Variants in HCN1 observed in about 807,000 individuals in gnomAD.
The protein encoded by HCN1 is hyperpolarization activated cyclic nucleotide gated potassium channel 1.
HCN1 carries 13 observed loss-of-function variants against 78.9 expected under a neutral mutation model. That is an observed-to-expected ratio of 0.16 (90% CI 0.11 to 0.26). The LOEUF (loss-of-function observed/expected upper bound fraction) is 0.26, where lower values mean the gene tolerates loss of function less well. Among genes scored for constraint, HCN1 ranks in the 10% least tolerant of loss-of-function variants. The pLI, the probability that HCN1 is intolerant of heterozygous loss-of-function variation, is 1.00. For missense variants in HCN1, 810 were observed against 1,154.3 expected, an observed-to-expected ratio of 0.70 and a Z score of 4.32; for synonymous variants, 552 against 455.5, an observed-to-expected ratio of 1.21 and a Z score of -2.70.
chr5:45,621,497 A>G (rs898721844), intron 2 of HCN1, among the ~76,000 whole-genome samples: 2 of 152,182 alleles, frequency 1.3e-5, no homozygotes, highest in African/African-American at 2.4e-5. Context: ...GTAGTACTCT[A>G]TCAGGAAAAG....
chr5:45,620,680 G>A (rs1745043221), intron 2 of HCN1, among the ~76,000 whole-genome samples: 1 of 151,870 alleles, frequency 6.6e-6, no homozygotes, highest in African/African-American at 2.4e-5. Flanking sequence ...GCAAATCTCA[G>A]CAAAATTCCA....
chr5:45,561,699 G>A (rs10473389), intron 2 of HCN1, among the ~76,000 whole-genome samples: 40,508 of 151,864 alleles, frequency 0.27, 5,508 homozygotes, highest in East Asian at 0.32. Flanking sequence ...ATGGGGGCTG[G>A]TCACTGAAAT....
intron 1 of HCN1, among the ~76,000 whole-genome samples, chr5:45,686,351 T>A (rs1739809325): frequency 6.6e-6 from 1 of 152,142 alleles, no homozygotes; most frequent in Non-Finnish European, 1.5e-5. Flanking sequence ...AATTGTTTCT[T>A]TTAGTGTTTA....
chr5:45,527,786 G>A (rs1742769487), intron 2 of HCN1, among the ~76,000 whole-genome samples: 1 of 151,864 alleles, frequency 6.6e-6, no homozygotes. Flanking sequence ...GACAGAACAT[G>A]TTGTATTAAT....
intron 1 of HCN1, chr5:45,695,213 G>A: frequency 5.5e-6 from 1 of 182,270 alleles, no homozygotes; most frequent in Non-Finnish European, 1.1e-5. Context: ...CTTGTGAATC[G>A]CTGTCTCCGG....
intron 2 of HCN1, among the ~76,000 whole-genome samples, chr5:45,560,607 C>A (rs899883805): frequency 6.6e-6 from 1 of 151,668 alleles, no homozygotes; most frequent in African/African-American, 2.4e-5. Flanking sequence ...ATTGTATTAA[C>A]AAAATTAAAA....
chr5:45,686,745 T>G (rs1739817258), intron 1 of HCN1, among the ~76,000 whole-genome samples: 2 of 152,228 alleles, frequency 1.3e-5, no homozygotes, highest in African/African-American at 2.4e-5. Flanking sequence ...TAACATTATT[T>G]ATCAAATGCT....
intron 1 of HCN1, among the ~76,000 whole-genome samples, chr5:45,666,134 C>G (rs1404458622): frequency 1.3e-5 from 2 of 152,064 alleles, no homozygotes; most frequent in Admixed American, 6.6e-5. Context: ...GCCTATGAAT[C>G]TTAGAATGTG....
At chr5:45,655,877 T>C (rs966213079) in intron 1 of HCN1, among the ~76,000 whole-genome samples, 2 of 152,128 alleles carry the variant, frequency 1.3e-5, no homozygotes, top group African/African-American at 4.8e-5. Flanking sequence ...TCAGATGCTC[T>C]AAATGCAAAA....
At chr5:45,504,434 CT>C (rs900648281) in intron 2 of HCN1, among the ~76,000 whole-genome samples, 33 of 151,906 alleles carry the variant, frequency 2.2e-4, no homozygotes, top group African/African-American at 6.8e-4. Flanking sequence ...TGAACTCATC[CT>C]TTTTTTTGGC....
At chr5:45,423,757 T>A (rs894451994) in intron 3 of HCN1, among the ~76,000 whole-genome samples, 3 of 152,204 alleles carry the variant, frequency 2.0e-5, no homozygotes, top group African/African-American at 7.2e-5. Context: ...CTACCTAGAA[T>A]GGGATAGAGG....
intron 6 of HCN1, among the ~76,000 whole-genome samples, chr5:45,290,158 G>C (rs934200998): frequency 6.6e-6 from 1 of 152,008 alleles, no homozygotes; most frequent in African/African-American, 2.4e-5. Flanking sequence ...CTGCCACCAT[G>C]TAAGACATTC....
At chr5:45,442,285 G>C (rs1740693290) in intron 3 of HCN1, among the ~76,000 whole-genome samples, 1 of 152,038 alleles carries the variant, frequency 6.6e-6, no homozygotes, top group Non-Finnish European at 1.5e-5. Flanking sequence ...GAGGAGAAAG[G>C]AAGAATTCTG....
chr5:45,315,362 C>A (rs563945990), intron 5 of HCN1, among the ~76,000 whole-genome samples: 2 of 152,210 alleles, frequency 1.3e-5, no homozygotes, highest in East Asian at 3.9e-4. Flanking sequence ...TCCTTTAAAA[C>A]CAATGAGAAC....
intron 1 of HCN1, among the ~76,000 whole-genome samples, chr5:45,671,081 CAAAT>C (rs879702657): frequency 6.6e-6 from 1 of 151,608 alleles, no homozygotes; most frequent in Non-Finnish European, 1.5e-5. Context: ...TCAGTAAACT[CAAAT>C]AAATTCCTCA....
intron 6 of HCN1, among the ~76,000 whole-genome samples, chr5:45,275,533 T>C (rs1265729576): frequency 6.6e-6 from 1 of 152,188 alleles, no homozygotes; most frequent in Non-Finnish European, 1.5e-5. Context: ...CTTCTCTCCC[T>C]TTCCTCTTCT....
intron 1 of HCN1, among the ~76,000 whole-genome samples, chr5:45,686,648 C>A (rs1048895561): frequency 2.6e-5 from 4 of 152,082 alleles, no homozygotes; most frequent in African/African-American, 9.7e-5. Context: ...TAATAAAGTT[C>A]TTTTGTTTAT....
rs183411839 is a variant in HCN1 at position 45,301,270 on chromosome 5, T to C, written c.1618+2329A>G. On this transcript the variant is annotated intron_variant, in intron 6 of 7. Transcript: ENST00000303230. ...TTTGGGGTAAAAAAGGGGGATAATATAGAATATTTCATATTATACTCACAA... is the reference window on the plus strand; with the variant it reads ...TTTGGGGTAAAAAAGGGGGATAATACAGAATATTTCATATTATACTCACAA... 7.0e-4 allele frequency among the ~76,000 whole-genome samples: 106 copies of C among 151,914 alleles called. 1 individual carries two copies. In the East Asian group the frequency reaches 0.013, roughly 18 times the overall value.
intron 6 of HCN1, among the ~76,000 whole-genome samples, chr5:45,301,839 CAAT>C (rs1745629225): frequency 6.7e-6 from 1 of 149,026 alleles, no homozygotes; most frequent in Non-Finnish European, 1.5e-5. Flanking sequence ...TTTAAATCAA[CAAT>C]AATGAGGATC....
Sources: gnomAD v4.1 joint callset for allele counts (sites outside exome capture counted in the v4.1 genomes callset) on GRCh38, gnomAD v4.1.1 for gene constraint, MANE v1.5 for transcripts, NCBI Gene and HGNC (gene_info 2026-07-23, HGNC 2026-07-21) for gene names.